Variants in MAP9 observed in about 807,000 individuals in gnomAD.
The protein encoded by MAP9 is microtubule-associated protein 9.
In MAP9, 80 loss-of-function variants were observed where a neutral mutation model predicts 75.2. The observed-to-expected ratio is 1.06, with a 90% confidence interval of 0.89 to 1.28. The LOEUF (loss-of-function observed/expected upper bound fraction) is 1.28, where lower values mean the gene tolerates loss of function less well. Ranked by LOEUF, MAP9 falls within the 50% of genes most tolerant of loss-of-function variation. The pLI is 0.00. For synonymous variants in MAP9, 235 were observed against 237.3 expected (o/e 0.99, Z 0.09); for missense variants, 753 against 719.9 (o/e 1.05, Z -0.53).
Position 155,373,212 on chromosome 4 carries a change from C to G in MAP9, c.405G>C (p.Lys135Asn), listed in dbSNP as rs759753703. The part of the protein sequence containing the change: ...VVKSFSESQN[K>N]DEEFEKDKIK... ...TTTTGTCTTTTTCAAATTCCTCATC[C>G]TTATTTTGAGATTCAGAGAAAGATT... Residue 135 changes from lysine to asparagine, a missense_variant, in exon 4 of 14, where the codon AAG becomes AAC. Lys to Asn is a moderately conservative substitution (Grantham distance 94). Transcript: ENST00000311277. 6.2e-7 allele frequency: 1 copy of G among 1,605,894 alleles called. No homozygotes were observed. The highest frequency in any genetic ancestry group is 2.2e-5 in the East Asian group (1 of 44,630).
rs190831186 is a variant in MAP9, at chr4:155,368,057, T to C, written c.708+529A>G. On this transcript the variant is annotated intron_variant, in intron 5 of 13. Coordinates refer to ENST00000311277, the MANE Select transcript of MAP9 (RefSeq NM_001039580.2). Reference sequence around the variant, plus strand: ...TAACAATGCATAGTAAATTCCCTGATGGAAACCTGAAAGGCCACATTTAAT... The same window carrying C: ...TAACAATGCATAGTAAATTCCCTGACGGAAACCTGAAAGGCCACATTTAAT... The C allele has an allele frequency of 2.7e-3, 418 of 157,276 alleles. 4 individuals are homozygous for C. Among genetic ancestry groups the C allele is most frequent in the Non-Finnish European group, 2.2e-3 (160 of 71,560 alleles). The allele number at this position is 157,276 out of a possible 1,614,324, so 9.7% of individuals were successfully genotyped here. A position where few individuals can be genotyped will look rare whatever the true frequency, so the allele number is the denominator to read the frequency against.
At chr4:155,348,342 A>T (rs1325215875) in intron 13 of MAP9, among the ~76,000 whole-genome samples, 2 of 152,168 alleles carry the variant, frequency 1.3e-5, no homozygotes, top group Non-Finnish European at 2.9e-5. Context: ...GTCTCAAAAA[A>T]ACAAACAAAC....
Position 155,362,086 on chromosome 4 carries a change from G to A in MAP9, c.764C>T (p.Ser255Phe). The stretch of plus-strand genomic sequence containing the variant: ...GTTTCCCTCAGATCCTGGTGAAAAA[G>A]AATCTCCAAGAATTTGTTTAAGTGA... ...SSSLKQILGD[S>F]FSPGSEGNAS... Residue 255 changes from serine to phenylalanine, a missense_variant, in exon 6 of 14, where the codon TCT (serine) becomes TTT (phenylalanine). Transcript: ENST00000311277. 6.3e-7 allele frequency: 1 copy of A among 1,598,576 alleles called. No individual in the cohort carries two copies. The highest frequency in any genetic ancestry group is 8.5e-7 in the Non-Finnish European group (1 of 1,174,976).
chr4:155,369,649 A>G (rs1336975590), intron 4 of MAP9, among the ~76,000 whole-genome samples: 1 of 152,104 alleles, frequency 6.6e-6, no homozygotes, highest in Non-Finnish European at 1.5e-5. Flanking sequence ...AAATTACAAG[A>G]CTAGATTACT....
chr4:155,372,151 C>T (rs1732627456), intron 4 of MAP9, among the ~76,000 whole-genome samples: 1 of 152,174 alleles, frequency 6.6e-6, no homozygotes, highest in Non-Finnish European at 1.5e-5. Context: ...GCTCTGCTTA[C>T]ATCCTTTGCT....
rs2111220129 is a variant in MAP9 at position 155,357,486 on chromosome 4, T to A, written c.1084A>T (p.Lys362Ter). The change falls in exon 8 of 14, where the codon AAG becomes TAG. Residue 362 changes from lysine (K) to a stop codon, truncating the protein, a stop_gained. Coordinates refer to ENST00000311277, the MANE Select transcript of MAP9 (RefSeq NM_001039580.2). LOFTEE classifies it high-confidence loss of function. ...CTGGATGCTCTATTATTTGTTGACT[T>A]TTTATTCTTTATATTTCTATCTTCA... ...TIEDRNIKNK[K>*]STNNRASSAS... is the part of the protein sequence containing the mutation. 6.4e-7 allele frequency: 1 copy of A among 1,558,288 alleles called. No individual in the cohort carries two copies. Among genetic ancestry groups the A allele is most frequent in the Non-Finnish European group, 8.8e-7 (1 of 1,130,294 alleles).
In MAP9 at chr4:155,352,577, A is replaced by G. The variant is rs763590621; in HGVS notation, c.1821+19T>C. On this transcript the variant is annotated intron_variant, in intron 13 of 13. Coordinates refer to ENST00000311277, the MANE Select transcript of MAP9 (RefSeq NM_001039580.2). ...AGGTACATGAAAAAGACGAAAGTGCATTGACAAATAATACCTACCAGCCAT... is the reference window on the plus strand; with the variant it reads ...AGGTACATGAAAAAGACGAAAGTGCGTTGACAAATAATACCTACCAGCCAT... 3.8e-6 allele frequency: 6 copies of G among 1,571,704 alleles called. No individual in the cohort carries two copies. Among genetic ancestry groups the G allele is most frequent in the Admixed American group, 1.9e-5 (1 of 53,510 alleles).
At position 155,345,284 on chromosome 4, in the gene MAP9, T is replaced by C. The variant is rs1188095682; in HGVS notation, c.*2499A>G. 4 of 152,012 alleles carry C rather than the reference T, an allele frequency of 2.6e-5. No individual in the cohort carries two copies. Among genetic ancestry groups the C allele is most frequent in the Admixed American group, 2.6e-4 (4 of 15,228 alleles). The allele number at this position is 152,012 out of a possible 1,614,324, so 9.4% of individuals were successfully genotyped here. A position where few individuals can be genotyped will look rare whatever the true frequency, so the allele number is the denominator to read the frequency against. ...GCAGGTTGCTGTAAACAGGAAATAATATGTTATTTATCATAGTAAGACAAA... is the reference window on the plus strand; with the variant it reads ...GCAGGTTGCTGTAAACAGGAAATAACATGTTATTTATCATAGTAAGACAAA... On this transcript the variant is annotated 3_prime_UTR_variant, in exon 14 of 14. Coordinates refer to ENST00000311277, the MANE Select transcript of MAP9 (RefSeq NM_001039580.2).
intron 13 of MAP9, among the ~76,000 whole-genome samples, chr4:155,351,591 C>G (rs1438887013): frequency 6.6e-6 from 1 of 151,306 alleles, no homozygotes; most frequent in Non-Finnish European, 1.5e-5. Context: ...CTAATTTCCC[C>G]AGTACAAAAC....
At chr4:155,364,481 TAAG>T (rs1221712262) in intron 5 of MAP9, among the ~76,000 whole-genome samples, 2 of 148,150 alleles carry the variant, frequency 1.3e-5, no homozygotes, top group Non-Finnish European at 3.0e-5. Flanking sequence ...ATATAATATA[TAAG>T]AATAGAATAT....
chr4:155,375,664 A>C, intron 2 of MAP9, 112 bp downstream of exon 2: 1 of 572,550 alleles, frequency 1.7e-6, no homozygotes, highest in South Asian at 3.1e-5. Flanking sequence ...AAACCTCAAA[A>C]GTAATATAAG....
Position 155,345,590 on chromosome 4 carries a change from A to T in MAP9, c.*2193T>A, listed in dbSNP as rs1411894920. 1 of 152,088 alleles carries T rather than the reference A, an allele frequency of 6.6e-6. No individual in the cohort carries two copies. The highest frequency in any genetic ancestry group is 1.5e-5 in the Non-Finnish European group (1 of 67,986). The allele number at this position is 152,088 out of a possible 1,614,324, so 9.4% of individuals were successfully genotyped here. The stretch of plus-strand genomic sequence containing the variant: ...AATGTTCGCACACTCATGAATGGGG[A>T]AATGTAGGGCTCATGGTAATAAATC... On this transcript the variant is annotated 3_prime_UTR_variant, in exon 14 of 14. Coordinates refer to ENST00000311277, the MANE Select transcript of MAP9 (RefSeq NM_001039580.2).
Position 155,368,884 on chromosome 4 carries a change from C to T in MAP9, c.482-72G>A, listed in dbSNP as rs1056026475. 1.7e-5 allele frequency: 21 copies of T among 1,225,854 alleles called. No individual in the cohort carries two copies. The African/African-American group carries it at 2.5e-4, about 15-fold the overall frequency. 75.9% of individuals were successfully genotyped at this position (1,225,854 alleles called of 1,614,324 possible). ...GCTTTATCTATCTCTCTGGGTGCTA[C>T]CATACTTCCCTCCTGTGCCTATGCC... is the stretch of plus-strand genomic sequence containing the variant. On this transcript the variant is annotated intron_variant, in intron 4 of 13. Transcript: ENST00000311277.
intron 5 of MAP9, among the ~76,000 whole-genome samples, chr4:155,367,086 G>T (rs540529628): frequency 6.6e-6 from 1 of 152,198 alleles, no homozygotes; most frequent in African/African-American, 2.4e-5. Flanking sequence ...GGAATGCTAG[G>T]TTTAACATAC....
chr4:155,359,827 A>C (rs1483683601), intron 7 of MAP9, among the ~76,000 whole-genome samples: 3 of 152,128 alleles, frequency 2.0e-5, no homozygotes, highest in Non-Finnish European at 4.4e-5. Flanking sequence ...ACTCTAATTT[A>C]AAATCTCAGA....
In MAP9 at chr4:155,373,287, G is replaced by A; in HGVS notation, c.330C>T (p.Ile110=). The A allele has an allele frequency of 6.2e-7, 1 of 1,613,686 alleles. No individual in the cohort carries two copies. Among genetic ancestry groups the A allele is most frequent in the East Asian group, 2.2e-5 (1 of 44,812 alleles). Residue 110 remains isoleucine (I), a synonymous_variant, in exon 4 of 14, where the codon ATC becomes ATT. Coordinates refer to ENST00000311277, the MANE Select transcript of MAP9 (RefSeq NM_001039580.2). ...NITKDEPVCA[I]KNEEEMAPDG... ...CAGGTGCCATTTCCTCTTCATTTTT[G>A]ATGGCACACACTGGCTCATCTTTGG...
intron 2 of MAP9, among the ~76,000 whole-genome samples, chr4:155,375,448 G>A (rs570685936): frequency 5.3e-5 from 8 of 152,046 alleles, no homozygotes; most frequent in African/African-American, 1.4e-4. Context: ...TAGAGGCTGA[G>A]TTCAAAATTG....
At chr4:155,359,825 T>A (rs1731984486) in intron 7 of MAP9, among the ~76,000 whole-genome samples, 1 of 152,068 alleles carries the variant, frequency 6.6e-6, no homozygotes. Flanking sequence ...TAACTCTAAT[T>A]TAAAATCTCA....
chr4:155,361,337 G>A (rs1417817333), intron 6 of MAP9: 3 of 152,002 alleles, frequency 2.0e-5, no homozygotes, highest in Non-Finnish European at 4.4e-5. Flanking sequence ...GTTTCCCTAA[G>A]TCACTGCACT....
Sources: allele counts gnomAD v4.1 joint callset (sites outside exome capture counted in the v4.1 genomes callset), GRCh38; gene constraint gnomAD v4.1.1; transcripts MANE v1.5; gene names NCBI Gene and HGNC (gene_info 2026-07-23, HGNC 2026-07-21).